Variants in MED13L observed in about 807,000 individuals in gnomAD.
MED13L encodes mediator of RNA polymerase II transcription subunit 13-like.
Under a neutral mutation model 220.9 loss-of-function variants are expected in MED13L, and 7 were observed. The observed-to-expected ratio is 0.03, with a 90% CI of 0.02 to 0.06. The LOEUF is 0.06. Ranked by LOEUF, MED13L falls within the 10% of genes least tolerant of loss-of-function variation. The pLI is 1.00. For missense variants in MED13L, 1,965 were observed against 2,760.5 expected (o/e 0.71, Z 6.46); for synonymous variants, 1,011 against 1,015.2 (o/e 1.00, Z 0.08).
chr12:116,111,603 G>A (rs1874095294), intron 2 of MED13L, 91 bp from the exon 3 acceptor site: 3 of 925,082 alleles, frequency 3.2e-6, no homozygotes, highest in Non-Finnish European at 4.9e-6. Flanking sequence ...CTAAAGCAAA[G>A]TTCATGAGTT....
intron 1 of MED13L, among the ~76,000 whole-genome samples, chr12:116,252,377 C>T (rs750592634): frequency 1.3e-5 from 2 of 151,650 alleles, no homozygotes; most frequent in Non-Finnish European, 2.9e-5. Context: ...TTTGTCTCTA[C>T]TAAAAAAAAA....
intron 2 of MED13L, among the ~76,000 whole-genome samples, chr12:116,146,152 C>A (rs1877492736): frequency 6.6e-6 from 1 of 152,094 alleles, no homozygotes; most frequent in African/African-American, 2.4e-5. Flanking sequence ...GAGATGGAGT[C>A]TCGCTCTGTC....
At chr12:116,214,953 C>T (rs1470065249) in intron 2 of MED13L, among the ~76,000 whole-genome samples, 1 of 152,180 alleles carries the variant, frequency 6.6e-6, no homozygotes, top group Non-Finnish European at 1.5e-5. Flanking sequence ...TCTCACATCA[C>T]TACTACCAAC....
intron 1 of MED13L, among the ~76,000 whole-genome samples, chr12:116,257,364 G>T (rs1450268574): frequency 6.6e-6 from 1 of 152,142 alleles, no homozygotes; most frequent in Non-Finnish European, 1.5e-5. Flanking sequence ...ACATCTCCCA[G>T]CCTCCCTGCA....
chr12:116,207,633 A>T (rs905851534), intron 2 of MED13L, among the ~76,000 whole-genome samples: 1 of 152,166 alleles, frequency 6.6e-6, no homozygotes, highest in Non-Finnish European at 1.5e-5. Flanking sequence ...TAAAGCAAAT[A>T]AAAAAATTAT....
In MED13L at chr12:115,984,107, A is replaced by G. The variant is rs1020746563; in HGVS notation, c.4531+73T>C. 6.8e-6 allele frequency: 10 copies of G among 1,470,164 alleles called. No individual in the cohort carries two copies. The African/African-American group carries it at 1.4e-4, about 20-fold the overall frequency. 91.1% of individuals were successfully genotyped at this position (1,470,164 alleles called of 1,614,324 possible). On this transcript the variant is annotated intron_variant, in intron 20 of 30. Coordinates refer to ENST00000281928, the MANE Select transcript of MED13L (RefSeq NM_015335.5). ...ACAAAAGAAATATAATGTTGCATCT[A>G]TAAAAGAAGGGATGGGACGGATTTG...
intron 4 of MED13L, among the ~76,000 whole-genome samples, chr12:116,074,708 G>T (rs892383971): frequency 2.6e-5 from 4 of 152,184 alleles, no homozygotes; most frequent in African/African-American, 9.6e-5. Flanking sequence ...TTGACCCTAA[G>T]ATTCAAATTG....
chr12:116,276,004 C>A (rs1873783872), intron 1 of MED13L, among the ~76,000 whole-genome samples: 1 of 152,124 alleles, frequency 6.6e-6, no homozygotes, highest in African/African-American at 2.4e-5. Flanking sequence ...GGTTTAACAA[C>A]GTGAATGTTT....
chr12:116,000,420 C>T (rs950915834), intron 14 of MED13L, among the ~76,000 whole-genome samples: 6 of 152,172 alleles, frequency 3.9e-5, no homozygotes, highest in Admixed American at 6.5e-5. Context: ...TGCACTTCAG[C>T]GGGAACTCAT....
At chr12:116,187,430 T>C (rs1430111238) in intron 2 of MED13L, among the ~76,000 whole-genome samples, 4 of 152,246 alleles carry the variant, frequency 2.6e-5, no homozygotes, top group African/African-American at 7.2e-5. Flanking sequence ...TGTCAGTGTC[T>C]ATCATTGTCA....
intron 14 of MED13L, among the ~76,000 whole-genome samples, chr12:116,002,154 A>T (rs1878785796): frequency 6.6e-6 from 1 of 152,242 alleles, no homozygotes. Flanking sequence ...GGCTATCATT[A>T]TTCATTTTCA....
chr12:116,067,079 T>C (rs1024429626), intron 4 of MED13L, among the ~76,000 whole-genome samples: 1 of 151,800 alleles, frequency 6.6e-6, no homozygotes, highest in South Asian at 2.1e-4. Flanking sequence ...ATACTGGAAA[T>C]ATACTGACAC....
At chr12:116,242,132 C>G (rs1396664790) in intron 1 of MED13L, among the ~76,000 whole-genome samples, 1 of 150,870 alleles carries the variant, frequency 6.6e-6, no homozygotes, top group Admixed American at 6.6e-5. Flanking sequence ...GCAACCTCCC[C>G]CTCCCAGGTG....
chr12:116,152,325 G>C (rs1273449846), intron 2 of MED13L, among the ~76,000 whole-genome samples: 1 of 152,112 alleles, frequency 6.6e-6, no homozygotes, highest in African/African-American at 2.4e-5. Flanking sequence ...AACTTTAACA[G>C]CAGCCAATGG....
At chr12:116,218,000 C>T (rs374103973) in intron 2 of MED13L, among the ~76,000 whole-genome samples, 1 of 152,192 alleles carries the variant, frequency 6.6e-6, no homozygotes, top group Non-Finnish European at 1.5e-5. Context: ...ACAACATAGT[C>T]GTCTAGCACT....
At position 115,975,712 on chromosome 12, in the gene MED13L, G is replaced by C. The variant is rs1259885344; in HGVS notation, c.5391C>G (p.Ser1797=). 1.2e-6 allele frequency: 2 copies of C among 1,613,708 alleles called. No homozygotes were observed. Among genetic ancestry groups the C allele is most frequent in the Non-Finnish European group, 1.7e-6 (2 of 1,180,008 alleles). ...TGATTGGGGCCAATATAAAGGGAGG[G>C]GAGTAAAGCTGGATTGGGCTGGGCC... is the stretch of plus-strand genomic sequence containing the variant. ...PERPSPIQLY[S]PPFILAPIKD... Residue 1797 remains serine (S), a synonymous_variant, in exon 24 of 31, where the codon TCC becomes TCG. Transcript: ENST00000281928.
chr12:116,203,779 C>A (rs1261898261), intron 2 of MED13L, among the ~76,000 whole-genome samples: 1 of 152,044 alleles, frequency 6.6e-6, no homozygotes, highest in Non-Finnish European at 1.5e-5. Context: ...CGAGATCACG[C>A]CACTGCACTC....
chr12:116,138,685 A>G (rs954442526), intron 2 of MED13L, among the ~76,000 whole-genome samples: 11 of 152,246 alleles, frequency 7.2e-5, no homozygotes, highest in African/African-American at 2.7e-4. Context: ...CTCAAAAAAC[A>G]TCTGCAATAT....
At chr12:116,260,048 G>A (rs962099886) in intron 1 of MED13L, among the ~76,000 whole-genome samples, 2 of 152,094 alleles carry the variant, frequency 1.3e-5, no homozygotes, top group Non-Finnish European at 2.9e-5. Context: ...CTAATGGAGC[G>A]GCTGGAACAT....
Sources: allele counts gnomAD v4.1 joint callset (sites outside exome capture counted in the v4.1 genomes callset), GRCh38; gene constraint gnomAD v4.1.1; transcripts MANE v1.5; gene names NCBI Gene and HGNC (gene_info 2026-07-23, HGNC 2026-07-21).